Variants in XYLT1 observed in about 807,000 individuals in gnomAD.
XYLT1 encodes beta-D-xylosyltransferase 1.
Under a neutral mutation model 91.3 loss-of-function variants are expected in XYLT1, and 36 were observed. The ratio of observed to expected loss-of-function variants is 0.39; its 90% CI spans 0.30 to 0.52. The LOEUF is 0.52. XYLT1 is among the 20% of genes least tolerant of loss of function. The pLI, the probability that XYLT1 is intolerant of heterozygous loss-of-function variation, is 0.68. For synonymous variants in XYLT1, 588 were observed against 532.0 expected (o/e 1.11, Z -1.45); for missense variants, 1,242 against 1,284.5 (o/e 0.97, Z 0.51).
intron 10 of XYLT1, among the ~76,000 whole-genome samples, chr16:17,120,448 G>A (rs9923657): frequency 1.3e-5 from 2 of 151,204 alleles, no homozygotes; most frequent in African/African-American, 4.9e-5. Context: ...CACCTCATCC[G>A]GAAGGGCTCT....
intron 3 of XYLT1, among the ~76,000 whole-genome samples, chr16:17,211,976 C>G: frequency 6.6e-6 from 1 of 152,220 alleles, no homozygotes; most frequent in East Asian, 1.9e-4. Flanking sequence ...GTGACAAAAC[C>G]TAAAATGTCT....
chr16:17,269,924 G>T (rs1203491040), intron 2 of XYLT1, among the ~76,000 whole-genome samples: 2 of 151,964 alleles, frequency 1.3e-5, no homozygotes, highest in East Asian at 1.9e-4. Flanking sequence ...CAATTCTCCT[G>T]CCTCAGCCTC....
chr16:17,449,368 T>G (rs535804855), intron 1 of XYLT1, among the ~76,000 whole-genome samples: 3 of 152,202 alleles, frequency 2.0e-5, no homozygotes, highest in Non-Finnish European at 4.4e-5. Context: ...TAGGAGAAGA[T>G]TGGGTGTCTG....
chr16:17,234,898 G>A (rs1169550893), intron 3 of XYLT1, among the ~76,000 whole-genome samples: 1 of 152,016 alleles, frequency 6.6e-6, no homozygotes, highest in Non-Finnish European at 1.5e-5. Flanking sequence ...TAATGAATAC[G>A]ACCATAATGG....
At chr16:17,283,069 G>A (rs1306755809) in intron 2 of XYLT1, among the ~76,000 whole-genome samples, 1 of 151,874 alleles carries the variant, frequency 6.6e-6, no homozygotes, top group African/African-American at 2.4e-5. Context: ...TTTCCAGAAC[G>A]CCTAAGAAAT....
chr16:17,404,041 G>A (rs1047423414), intron 1 of XYLT1, among the ~76,000 whole-genome samples: 49 of 152,070 alleles, frequency 3.2e-4, no homozygotes, highest in Non-Finnish European at 4.7e-4. Flanking sequence ...CTGGGAAACC[G>A]CAGCAACGTC....
intron 2 of XYLT1, among the ~76,000 whole-genome samples, chr16:17,289,705 A>G (rs1311677639): frequency 2.0e-5 from 3 of 152,232 alleles, no homozygotes; most frequent in East Asian, 1.9e-4. Flanking sequence ...CAAAAGCTTC[A>G]GTTCTGTACC....
chr16:17,117,206 G>T (rs1426438264), intron 11 of XYLT1, among the ~76,000 whole-genome samples: 1 of 152,174 alleles, frequency 6.6e-6, no homozygotes, highest in South Asian at 2.1e-4. Context: ...CTGAACATGA[G>T]TACTTTAAAA....
At chr16:17,304,763 C>T (rs938351008) in intron 2 of XYLT1, among the ~76,000 whole-genome samples, 10 of 152,088 alleles carry the variant, frequency 6.6e-5, no homozygotes, top group Admixed American at 5.9e-4. Context: ...AGTAAGGCTG[C>T]TTGGGAAGGT....
chr16:17,116,618 T>A (rs1349099612), intron 11 of XYLT1, among the ~76,000 whole-genome samples: 2 of 152,222 alleles, frequency 1.3e-5, no homozygotes, highest in Admixed American at 6.5e-5. Context: ...CTATTAAGAA[T>A]AATTCTCATG....
intron 2 of XYLT1, among the ~76,000 whole-genome samples, chr16:17,280,234 C>G (rs1255980753): frequency 6.6e-6 from 1 of 152,174 alleles, no homozygotes; most frequent in Non-Finnish European, 1.5e-5. Context: ...CCTGTAATCC[C>G]AGATACTCGG....
intron 1 of XYLT1, among the ~76,000 whole-genome samples, chr16:17,371,834 AAG>A (rs772681261): frequency 1.3e-5 from 2 of 152,336 alleles, no homozygotes; most frequent in Admixed American, 6.5e-5. Context: ...GAGAGAAAGA[AAG>A]AGAGAGTGTA....
chr16:17,334,395 C>G lies in XYLT1; in HGVS notation c.402+23617G>C, dbSNP rs2034947119. ...CTTCTCTACAGCCAGGGCCTTTCTT[C>G]ACAGGAAAGTGACTGCAGTAAGAGC... On this transcript the variant is annotated intron_variant, in intron 2 of 11. Transcript: ENST00000261381. 2.0e-5 allele frequency among the ~76,000 whole-genome samples: 3 copies of G among 152,202 alleles called. No homozygotes were observed. In the South Asian group the frequency reaches 6.2e-4, roughly 32 times the overall value.
intron 1 of XYLT1, among the ~76,000 whole-genome samples, chr16:17,462,752 C>T (rs570301637): frequency 5.9e-5 from 9 of 152,272 alleles, no homozygotes; most frequent in East Asian, 1.9e-4. Context: ...CCCCCTCCTC[C>T]GCTTCTCCCT....
At chr16:17,131,408 G>A (rs1032844874) in intron 9 of XYLT1, among the ~76,000 whole-genome samples, 2 of 152,136 alleles carry the variant, frequency 1.3e-5, no homozygotes, top group Admixed American at 6.5e-5. Flanking sequence ...TAAATACGAT[G>A]AGCACTAAAA....
intron 6 of XYLT1, among the ~76,000 whole-genome samples, chr16:17,145,312 A>G (rs766585082): frequency 4.4e-4 from 67 of 152,018 alleles, no homozygotes; most frequent in Admixed American, 8.5e-4. Context: ...CTGTATCCTC[A>G]CCCTAGCACC....
At position 17,326,868 on chromosome 16, in the gene XYLT1, A is replaced by C. The variant is rs536274826; in HGVS notation, c.402+31144T>G. ...AAAAAACAAAAACACAACAAAAAAA[A>C]CACACAGGACCTCTTATGCAAAATT... On this transcript the variant is annotated intron_variant, in intron 2 of 11. Transcript: ENST00000261381. Among the ~76,000 whole-genome samples the C allele has an allele frequency of 2.5e-4, 38 of 152,168 alleles. No homozygotes were observed. In the South Asian group the frequency reaches 7.3e-3, roughly 29 times the overall value.
rs757836390 is a variant in XYLT1 at position 17,138,351 on chromosome 16, T to C, written c.1764+4A>G. The C allele has an allele frequency of 2.4e-5, 39 of 1,608,178 alleles. 1 individual carries two copies. The South Asian group carries it at 4.2e-4, about 17-fold the overall frequency. On this transcript the variant is annotated splice_donor_region_variant and intron_variant, in intron 8 of 11. Coordinates refer to ENST00000261381, the MANE Select transcript of XYLT1 (RefSeq NM_022166.4). ...GAGGCTGGCAGACCATGAGAAAGTC[T>C]CACCTGGAAGCGGTGGAAGTCCTGC... is the stretch of plus-strand genomic sequence containing the variant.
chr16:17,341,961 CT>C lies in XYLT1; in HGVS notation c.402+16050del, dbSNP rs1381483478. Among the ~76,000 whole-genome samples the C allele has an allele frequency of 3.9e-5, 6 of 152,348 alleles. No individual in the cohort carries two copies. In the South Asian group the frequency reaches 6.2e-4, roughly 16 times the overall value. ...ACATCCTTCCCCCTCACCCATCTCCCTGTTCTTGCCCTTGACCCATTACAGT... is the reference window on the plus strand; with the variant it reads ...ACATCCTTCCCCCTCACCCATCTCCCGTTCTTGCCCTTGACCCATTACAGT... On this transcript the variant is annotated intron_variant, in intron 2 of 11. Coordinates refer to ENST00000261381, the MANE Select transcript of XYLT1 (RefSeq NM_022166.4).
Sources: gnomAD v4.1 joint callset for allele counts (sites outside exome capture counted in the v4.1 genomes callset) on GRCh38, gnomAD v4.1.1 for gene constraint, MANE v1.5 for transcripts, NCBI Gene and HGNC (gene_info 2026-07-23, HGNC 2026-07-21) for gene names.